Variants in MED26 observed in about 807,000 individuals in gnomAD.
MED26 encodes the protein mediator complex subunit 26.
In MED26, 7 loss-of-function variants were observed where a neutral mutation model predicts 43.7. The observed-to-expected ratio is 0.16, with a 90% CI of 0.09 to 0.30. The LOEUF (loss-of-function observed/expected upper bound fraction) is 0.30. MED26 is among the 10% of genes least tolerant of loss of function. The pLI is 1.00. For missense variants in MED26, 784 were observed against 840.6 expected (o/e 0.93, Z 0.83); for synonymous variants, 375 against 371.1 (o/e 1.01, Z -0.12).
rs199699902 is a variant in MED26, at chr19:16,576,768, C to T, written c.1062G>A (p.Pro354=). 26 of 1,605,632 alleles carry T rather than the reference C, an allele frequency of 1.6e-5. No homozygotes were observed. In the Admixed American group the frequency reaches 2.7e-4, roughly 17 times the overall value. The stretch of plus-strand genomic sequence containing the variant: ...CTGGGGACAGCCCTGCCTTGCAGCC[C>T]GGCCCCGCCAGCCGCTGGTGGCTCT... The part of the protein sequence containing the change: ...QPESHQRLAG[P]GCKAGLSPAE... The change falls in exon 3 of 3, where the codon CCG becomes CCA. Residue 354 remains proline, a synonymous_variant. Coordinates refer to ENST00000263390, the MANE Select transcript of MED26 (RefSeq NM_004831.5). The surrounding 1 kb of genome is among the most constrained non-coding windows in gnomAD (Gnocchi z 6.8).
chr19:16,581,423 A>C (rs2086045143), intron 1 of MED26, among the ~76,000 whole-genome samples: 1 of 152,022 alleles, frequency 6.6e-6, no homozygotes, highest in Admixed American at 6.5e-5. Flanking sequence ...TCCAGCACCG[A>C]CTCAGTCCCT....
Position 16,577,523 on chromosome 19 carries a change from A to G in MED26, c.307T>C (p.Ser103Pro). Residue 103 changes from serine (S) to proline (P), a missense_variant, in exon 3 of 3, where the codon TCT becomes CCT. Physicochemically the swap from Ser to Pro is moderately conservative, Grantham distance 74 (BLOSUM62 -1). Around this residue, in one of 3 missense-constraint regions of MED26, gnomAD observed 719 missense variants for 730.9 expected, o/e 0.98. Coordinates refer to ENST00000263390, the MANE Select transcript of MED26 (RefSeq NM_004831.5). This position sits in a 1 kb window ranked among gnomAD's most constrained non-coding sequence, Gnocchi z 8.1. ...ALRGLAGATG[S>P]ANGGAHNCRP... is the part of the protein sequence containing the mutation. ...CAGTTGTGTGCGCCCCCGTTGGCAGAGCCGGTGGCCCCCGCCAGCCCCCGC... is the reference window on the plus strand; with the variant it reads ...CAGTTGTGTGCGCCCCCGTTGGCAGGGCCGGTGGCCCCCGCCAGCCCCCGC... The G allele has an allele frequency of 6.2e-7, 1 of 1,602,758 alleles. No individual in the cohort carries two copies. The highest frequency in any genetic ancestry group is 8.5e-7 in the Non-Finnish European group (1 of 1,173,824).
rs754302632 is a variant in MED26, at chr19:16,576,356, G to T, written c.1474C>A (p.Arg492=). 3 of 1,614,076 alleles carry T rather than the reference G, an allele frequency of 1.9e-6. No individual in the cohort carries two copies. The highest frequency in any genetic ancestry group is 2.2e-5 in the East Asian group (1 of 44,862). ...RNEIIQSYLS[R]QSSLLSSSGA... is the part of the protein sequence containing the mutation. ...GATGATGAGAGCAGGCTGCTCTGCC[G>T]GCTCAGGTAGGACTGGATGATCTCG... The change falls in exon 3 of 3, where the codon CGG becomes AGG. Residue 492 remains arginine (R), a synonymous_variant. Coordinates refer to ENST00000263390, the MANE Select transcript of MED26 (RefSeq NM_004831.5). This position sits in a 1 kb window ranked among gnomAD's most constrained non-coding sequence, Gnocchi z 6.8.
At chr19:16,599,915 A>C (rs2086140603) in intron 1 of MED26, among the ~76,000 whole-genome samples, 1 of 152,228 alleles carries the variant, frequency 6.6e-6, no homozygotes, top group African/African-American at 2.4e-5. Flanking sequence ...CCTGACGTAG[A>C]GGTCTCACCA....
At chr19:16,619,758 G>T (rs73516965) in intron 1 of MED26, among the ~76,000 whole-genome samples, 193 of 152,274 alleles carry the variant, frequency 1.3e-3, no homozygotes, top group African/African-American at 4.5e-3. Flanking sequence ...CACAGCCAAC[G>T]CCCTATAAAA....
intron 1 of MED26, among the ~76,000 whole-genome samples, chr19:16,623,288 G>C (rs2086259615): frequency 6.6e-6 from 1 of 152,182 alleles, no homozygotes; most frequent in Non-Finnish European, 1.5e-5. Context: ...ACAATATACA[G>C]AGTAAAGACA....
intron 1 of MED26, among the ~76,000 whole-genome samples, chr19:16,608,489 G>A (rs1265214290): frequency 6.6e-6 from 1 of 152,244 alleles, no homozygotes; most frequent in East Asian, 1.9e-4. Flanking sequence ...CAGCCATGGT[G>A]AGAGTATTTC....
chr19:16,585,256 G>T (rs62116874), intron 1 of MED26, among the ~76,000 whole-genome samples: 2 of 152,122 alleles, frequency 1.3e-5, no homozygotes, highest in Non-Finnish European at 2.9e-5. Context: ...GTGTCCTCAC[G>T]CCTCTCTTCT....
chr19:16,623,658 T>C (rs1489227215), intron 1 of MED26, among the ~76,000 whole-genome samples: 1 of 152,150 alleles, frequency 6.6e-6, no homozygotes, highest in Non-Finnish European at 1.5e-5. Context: ...CCCCAATCTG[T>C]AATCTCACAT....
chr19:16,594,348 G>T (rs2086111049), intron 1 of MED26, among the ~76,000 whole-genome samples: 2 of 152,240 alleles, frequency 1.3e-5, no homozygotes, highest in South Asian at 4.1e-4. Flanking sequence ...ACACAGCAGT[G>T]GCCCCAGTCA....
At chr19:16,613,704 T>TATA (rs1030728915) in intron 1 of MED26, among the ~76,000 whole-genome samples, 30 of 152,348 alleles carry the variant, frequency 2.0e-4, no homozygotes, top group African/African-American at 7.0e-4. Context: ...TCAGCCCATC[T>TATA]ATAAAATGGG....
At chr19:16,601,410 C>T (rs2086148700) in intron 1 of MED26, among the ~76,000 whole-genome samples, 1 of 152,190 alleles carries the variant, frequency 6.6e-6, no homozygotes, top group Non-Finnish European at 1.5e-5. Context: ...CCACCTCGGC[C>T]TCCCAAAGTG....
At chr19:16,606,946 CTTCTGGGCTCAAAT>C (rs370706229) in intron 1 of MED26, among the ~76,000 whole-genome samples, 2 of 152,360 alleles carry the variant, frequency 1.3e-5, no homozygotes, top group African/African-American at 2.4e-5. Flanking sequence ...TGGTCTCAAA[CTTCTGGGCTCAAAT>C]GATCCTCTTG....
Position 16,576,741 on chromosome 19 carries a change from G to A in MED26, c.1089C>T (p.Ala363=), listed in dbSNP as rs1301841933. Residue 363 remains alanine (A), a synonymous_variant, in exon 3 of 3, where the codon GCC becomes GCT. Transcript: ENST00000263390. This position sits in a 1 kb window ranked among gnomAD's most constrained non-coding sequence, Gnocchi z 6.8. ...GPGCKAGLSP[A]EPLLSRAGFS... The stretch of plus-strand genomic sequence containing the variant: ...AGCCTGCCCGGGACAGGAGGGGCTC[G>A]GCTGGGGACAGCCCTGCCTTGCAGC... 1.4e-5 allele frequency: 23 copies of A among 1,609,656 alleles called. No homozygotes were observed. Among genetic ancestry groups the A allele is most frequent in the Admixed American group, 5.0e-5 (3 of 59,936 alleles).
Position 16,576,710 on chromosome 19 carries a change from G to A in MED26, c.1120C>T (p.Pro374Ser), listed in dbSNP as rs758405826. Residue 374 changes from proline to serine, a missense_variant, in exon 3 of 3, where the codon CCA becomes TCA. Pro to Ser is a moderately conservative substitution (Grantham distance 74). Around this residue, in one of 3 missense-constraint regions of MED26, gnomAD observed 719 missense variants for 730.9 expected, o/e 0.98. Coordinates refer to ENST00000263390, the MANE Select transcript of MED26 (RefSeq NM_004831.5). This position sits in a 1 kb window ranked among gnomAD's most constrained non-coding sequence, Gnocchi z 6.8. ...EPLLSRAGFSPDSSKADSDAA... is the reference protein window; with the variant it reads ...EPLLSRAGFSSDSSKADSDAA... ...TCACTGTCCGCCTTGGAGGAGTCTG[G>A]GGAAAAGCCTGCCCGGGACAGGAGG... 3 of 1,613,130 alleles carry A rather than the reference G, an allele frequency of 1.9e-6. No individual in the cohort carries two copies. The highest frequency in any genetic ancestry group is 2.5e-6 in the Non-Finnish European group (3 of 1,180,002).
Position 16,578,393 on chromosome 19 carries a change from G to T in MED26, c.89C>A (p.Ala30Glu), listed in dbSNP as rs752459319. The stretch of plus-strand genomic sequence containing the variant: ...CAGGCTGGAGATGACTTCCAGCACC[G>T]CCACCATGTTCCGGATCTGTGGAAA... ...DPQSNIRNMV[A>E]VLEVISSLEK... The change falls in exon 2 of 3, where the codon GCG becomes GAG. Residue 30 changes from alanine (A) to glutamate (E), a missense_variant. By Grantham distance (107) the Ala-to-Glu change is moderately radical. Coordinates refer to ENST00000263390, the MANE Select transcript of MED26 (RefSeq NM_004831.5). 1 of 1,613,894 alleles carries T rather than the reference G, an allele frequency of 6.2e-7. No homozygotes were observed. The highest frequency in any genetic ancestry group is 8.5e-7 in the Non-Finnish European group (1 of 1,179,924).
chr19:16,621,096 G>A (rs939960533), intron 1 of MED26, among the ~76,000 whole-genome samples: 2 of 152,196 alleles, frequency 1.3e-5, no homozygotes, highest in Non-Finnish European at 2.9e-5. Flanking sequence ...CTTGGAAGAC[G>A]CAATGGAGTT....
At position 16,617,550 on chromosome 19, in the gene MED26, C is replaced by T. The variant is rs1001732066; in HGVS notation, c.72+10322G>A. 7.9e-5 allele frequency among the ~76,000 whole-genome samples: 12 copies of T among 152,308 alleles called. No individual in the cohort carries two copies. The East Asian group carries it at 2.1e-3, about 27-fold the overall frequency. On this transcript the variant is annotated intron_variant, in intron 1 of 2. Coordinates refer to ENST00000263390, the MANE Select transcript of MED26 (RefSeq NM_004831.5). ...TGAAGCAGCCCATCCACAAGACAGG[C>T]GGACACACAGACACACACACATAGT...
chr19:16,625,779 T>C (rs2086272019), intron 1 of MED26, among the ~76,000 whole-genome samples: 1 of 152,190 alleles, frequency 6.6e-6, no homozygotes, highest in South Asian at 2.1e-4. Flanking sequence ...TGTTTCTGCA[T>C]GGTGTTTGCT....
Sources: gnomAD v4.1 joint callset for allele counts (sites outside exome capture counted in the v4.1 genomes callset) on GRCh38, gnomAD v4.1.1 for gene constraint, gnomAD v4.1.1 regional missense constraint, Gnocchi (gnomAD v3.1) non-coding constraint, MANE v1.5 for transcripts, NCBI Gene and HGNC (gene_info 2026-07-23, HGNC 2026-07-21) for gene names.